Variants in ARPC2 observed in about 807,000 individuals in gnomAD.
The protein encoded by ARPC2 is actin related protein 2/3 complex subunit 2.
ARPC2 carries 4 observed loss-of-function variants against 38.6 expected under a neutral mutation model. That is an observed-to-expected ratio of 0.10 (90% confidence interval 0.05 to 0.24). ARPC2 has a LOEUF of 0.24. Ranked by LOEUF, ARPC2 falls within the 10% of genes least tolerant of loss-of-function variation. The probability of loss-of-function intolerance (pLI) is 1.00; values close to 1 mark genes in which losing one functional copy is unlikely to be tolerated. For missense variants in ARPC2, 229 were observed against 387.3 expected (o/e 0.59, Z 3.43); for synonymous variants, 125 against 140.8 (o/e 0.89, Z 0.79).
intron 5 of ARPC2, chr2:218,234,994 G>A (rs1321365272): frequency 2.7e-6 from 1 of 374,596 alleles, no homozygotes; most frequent in Non-Finnish European, 5.3e-6. Context: ...GTGATTCAGT[G>A]GCATGTCTCA....
At chr2:218,242,154 A>T (rs1689930861) in intron 7 of ARPC2, among the ~76,000 whole-genome samples, 1 of 152,206 alleles carries the variant, frequency 6.6e-6, no homozygotes, top group Admixed American at 6.5e-5. Flanking sequence ...GCAGGCTCTG[A>T]GGGATGCTTT....
At chr2:218,233,300 C>G (rs550448305) in intron 4 of ARPC2, 1 of 151,962 alleles carries the variant, frequency 6.6e-6, no homozygotes, top group South Asian at 2.1e-4. Context: ...TTGCAGTGAG[C>G]TGAGATTGCA....
At chr2:218,239,692 C>T (rs1471901235) in intron 7 of ARPC2, 4 of 496,262 alleles carry the variant, frequency 8.1e-6, no homozygotes, top group Non-Finnish European at 1.4e-5. Context: ...CTCCCAGGTT[C>T]AAGCAATTCT....
At chr2:218,252,564 T>C (rs1289115397) in intron 10 of ARPC2, among the ~76,000 whole-genome samples, 1 of 152,142 alleles carries the variant, frequency 6.6e-6, no homozygotes, top group African/African-American at 2.4e-5. Flanking sequence ...CAGGGCCCAG[T>C]AGACAGGCAG....
At chr2:218,253,761 C>G in intron 10 of ARPC2, 130 bp from the exon 11 acceptor site, 1 of 1,193,918 alleles carries the variant, frequency 8.4e-7, no homozygotes, top group Non-Finnish European at 1.2e-6. Context: ...TCCAGTGCCT[C>G]TGCTTAAGGA....
intron 4 of ARPC2, chr2:218,233,050 A>G (rs13388024): frequency 0.41 from 62,807 of 151,940 alleles, 14,909 homozygotes; most frequent in South Asian, 0.61. Flanking sequence ...TAATCCCAGT[A>G]CTTTGGGAGG....
chr2:218,252,174 G>T (rs1439222687), intron 10 of ARPC2, among the ~76,000 whole-genome samples: 1 of 152,052 alleles, frequency 6.6e-6, no homozygotes, highest in Non-Finnish European at 1.5e-5. Context: ...GGTGAGCTAA[G>T]ATCGCACCAT....
At chr2:218,250,949 C>T (rs1169774476) in intron 10 of ARPC2, among the ~76,000 whole-genome samples, 1 of 151,990 alleles carries the variant, frequency 6.6e-6, no homozygotes, top group Non-Finnish European at 1.5e-5. Context: ...CTCACTGCAG[C>T]CTCTGCCTCC....
At chr2:218,242,300 A>G (rs1689934299) in intron 7 of ARPC2, among the ~76,000 whole-genome samples, 1 of 152,210 alleles carries the variant, frequency 6.6e-6, no homozygotes, top group Admixed American at 6.5e-5. Flanking sequence ...ACCAGTAATT[A>G]TGCTTTTGGA....
At chr2:218,219,976 C>CT in intron 2 of ARPC2, among the ~76,000 whole-genome samples, 1 of 152,124 alleles carries the variant, frequency 6.6e-6, no homozygotes, top group Admixed American at 6.5e-5. Context: ...AGGTGCATGC[C>CT]TATTCCAGAA....
intron 3 of ARPC2, among the ~76,000 whole-genome samples, chr2:218,226,560 C>A (rs144787054): frequency 0.011 from 1,435 of 129,770 alleles, 17 homozygotes; most frequent in Non-Finnish European, 0.017. Flanking sequence ...ACCCAGGAGG[C>A]GGAGCTTGCA....
Position 218,235,184 on chromosome 2 carries a change from C to A in ARPC2, c.268+787C>A, listed in dbSNP as rs74611490. 1.1e-3 allele frequency: 286 copies of A among 258,678 alleles called. 2 individuals are homozygous for A. In the East Asian group the frequency reaches 0.024, roughly 22 times the overall value. The allele number at this position is 258,678 out of a possible 1,614,324, so 16.0% of individuals were successfully genotyped here. On this transcript the variant is annotated intron_variant, in intron 5 of 10. Transcript: ENST00000315717. ...GTGCTAGCTTATTTCATCACCTCAC[C>A]TATTTTTTCAGACAGTCTCATTCTG...
intron 3 of ARPC2, chr2:218,227,133 C>G: frequency 2.4e-6 from 1 of 411,004 alleles, no homozygotes; most frequent in Admixed American, 2.6e-5. Flanking sequence ...TACTAACTGG[C>G]ATTGCCAGAT....
chr2:218,220,027 T>C (rs1689347863), intron 2 of ARPC2, among the ~76,000 whole-genome samples: 1 of 152,130 alleles, frequency 6.6e-6, no homozygotes, highest in African/African-American at 2.4e-5. Context: ...CATAAACATG[T>C]ATGGGATTCT....
chr2:218,222,270 A>G (rs1322343498), intron 2 of ARPC2, among the ~76,000 whole-genome samples: 1 of 152,058 alleles, frequency 6.6e-6, no homozygotes, highest in East Asian at 1.9e-4. Flanking sequence ...CCATCTCAAG[A>G]AAAAAGAAAA....
intron 3 of ARPC2, among the ~76,000 whole-genome samples, chr2:218,228,038 T>G (rs1018537053): frequency 6.6e-6 from 1 of 152,232 alleles, no homozygotes; most frequent in Non-Finnish European, 1.5e-5. Flanking sequence ...TTATGTGTTG[T>G]ATCTGGGATT....
chr2:218,239,002 G>A (rs1689844910), intron 6 of ARPC2, 152 bp downstream of exon 6: 1 of 635,002 alleles, frequency 1.6e-6, no homozygotes, highest in South Asian at 2.2e-5. Context: ...AGATGATAGG[G>A]CAGAAATCAG....
intron 9 of ARPC2, 54 bp from the exon 10 acceptor site, chr2:218,249,767 A>T: frequency 2.0e-6 from 3 of 1,500,156 alleles, no homozygotes; most frequent in Non-Finnish European, 2.8e-6. Context: ...AAGACAGCAA[A>T]GCTGTCTTTC....
At chr2:218,237,192 C>A (rs2106152790) in intron 5 of ARPC2, among the ~76,000 whole-genome samples, 1 of 152,114 alleles carries the variant, frequency 6.6e-6, no homozygotes, top group African/African-American at 2.4e-5. Flanking sequence ...CTGCCCTGCT[C>A]CTTTTTCTTT....
Sources: gnomAD v4.1 joint callset for allele counts (sites outside exome capture counted in the v4.1 genomes callset) on GRCh38, gnomAD v4.1.1 for gene constraint, MANE v1.5 for transcripts, NCBI Gene and HGNC (gene_info 2026-07-23, HGNC 2026-07-21) for gene names.